Variants in HSD17B11 observed in about 807,000 individuals in gnomAD.
HSD17B11 encodes hydroxysteroid 17-beta dehydrogenase 11, also known as estradiol 17-beta-dehydrogenase 11.
HSD17B11 carries 22 observed loss-of-function variants against 27.8 expected under a neutral mutation model. That is an observed-to-expected ratio of 0.79 (90% confidence interval 0.56 to 1.13). HSD17B11 has a LOEUF of 1.13. HSD17B11 is among the 50% of genes most tolerant of loss of function. The pLI is 0.00. For synonymous variants in HSD17B11, 117 were observed against 132.8 expected (o/e 0.88, Z 0.82); for missense variants, 314 against 351.1 (o/e 0.89, Z 0.84).
intron 4 of HSD17B11, among the ~76,000 whole-genome samples, chr4:87,363,534 C>T (rs774223003): frequency 6.1e-4 from 93 of 152,290 alleles, no homozygotes; most frequent in Non-Finnish European, 1.2e-3. Flanking sequence ...AAACAAAAAA[C>T]CCGATGAAGT....
rs192611825 is a variant in HSD17B11 at position 87,353,335 on chromosome 4, A to G, written c.695+3944T>C. Among the ~76,000 whole-genome samples the G allele has an allele frequency of 3.1e-3, 473 of 152,204 alleles. 2 individuals carry two copies. Among genetic ancestry groups the G allele is most frequent in the African/African-American group, 0.01 (436 of 41,544 alleles). ...CATCTACTGAAGAGGGACTAATAAC[A>G]TCTCCCCAAAAGTATTGTTGTGAGG... On this transcript the variant is annotated intron_variant, in intron 5 of 6. Transcript: ENST00000358290.
intron 2 of HSD17B11, among the ~76,000 whole-genome samples, chr4:87,375,257 T>A (rs1264251724): frequency 6.6e-6 from 1 of 152,196 alleles, no homozygotes; most frequent in African/African-American, 2.4e-5. Flanking sequence ...TTGCAATCCA[T>A]GTGTCAACAG....
intron 2 of HSD17B11, among the ~76,000 whole-genome samples, chr4:87,380,341 C>T (rs1720114854): frequency 7.2e-6 from 1 of 139,298 alleles, no homozygotes; most frequent in South Asian, 2.4e-4. Flanking sequence ...TGCGTGGTGG[C>T]GGGCATCTGT....
intron 2 of HSD17B11, among the ~76,000 whole-genome samples, chr4:87,377,576 A>G (rs1349118387): frequency 6.6e-6 from 1 of 152,248 alleles, no homozygotes; most frequent in Non-Finnish European, 1.5e-5. Context: ...GAAAGATCAT[A>G]GAATCTTGAT....
At chr4:87,361,876 T>G (rs1440993327) in intron 4 of HSD17B11, among the ~76,000 whole-genome samples, 1 of 152,180 alleles carries the variant, frequency 6.6e-6, no homozygotes, top group Non-Finnish European at 1.5e-5. Flanking sequence ...CCCTTTCTGG[T>G]AACATCTTTC....
chr4:87,388,178 A>C (rs1250746795), intron 1 of HSD17B11, among the ~76,000 whole-genome samples: 3 of 151,560 alleles, frequency 2.0e-5, no homozygotes, highest in South Asian at 4.2e-4. Flanking sequence ...AAAAAAAAAA[A>C]AACAATCTAG....
At chr4:87,383,842 G>C (rs963156096) in intron 1 of HSD17B11, among the ~76,000 whole-genome samples, 4 of 151,492 alleles carry the variant, frequency 2.6e-5, no homozygotes, top group African/African-American at 9.7e-5. Flanking sequence ...TAGGTTGTTG[G>C]AAAAGTAATT....
chr4:87,375,257 T>TCA (rs1735797514), intron 2 of HSD17B11, among the ~76,000 whole-genome samples: 1 of 152,196 alleles, frequency 6.6e-6, no homozygotes, highest in African/African-American at 2.4e-5. Context: ...TTGCAATCCA[T>TCA]GTGTCAACAG....
intron 4 of HSD17B11, among the ~76,000 whole-genome samples, chr4:87,370,756 T>TTATTTTA (rs752900390): frequency 0.011 from 203 of 17,800 alleles, 11 homozygotes; most frequent in Admixed American, 0.017. Flanking sequence ...ATTATTATTA[T>TTATTTTA]TTTTTTTTTT....
intron 5 of HSD17B11, among the ~76,000 whole-genome samples, chr4:87,346,820 A>G (rs1205502571): frequency 6.6e-6 from 1 of 152,130 alleles, no homozygotes; most frequent in Non-Finnish European, 1.5e-5. Context: ...TACTTGGGAC[A>G]CTGAGGCAAG....
At chr4:87,385,347 G>A (rs530575320) in intron 1 of HSD17B11, among the ~76,000 whole-genome samples, 34 of 152,240 alleles carry the variant, frequency 2.2e-4, no homozygotes, top group Admixed American at 4.6e-4. Flanking sequence ...CCATATGAAT[G>A]TACTTATATG....
intron 1 of HSD17B11, among the ~76,000 whole-genome samples, chr4:87,388,174 A>AAAAC (rs1720368070): frequency 6.7e-6 from 1 of 149,012 alleles, no homozygotes; most frequent in South Asian, 2.1e-4. Flanking sequence ...ACCAAAAAAA[A>AAAAC]AAAAAACAAT....
chr4:87,352,823 G>C (rs1397003093), intron 5 of HSD17B11, among the ~76,000 whole-genome samples: 2 of 27,212 alleles, frequency 7.3e-5, no homozygotes, highest in African/African-American at 5.0e-4. Flanking sequence ...TAGTCTCGTG[G>C]TGCGCCGTTT....
chr4:87,345,814 T>C (rs1300629230), intron 5 of HSD17B11, among the ~76,000 whole-genome samples: 2 of 151,994 alleles, frequency 1.3e-5, no homozygotes, highest in East Asian at 3.9e-4. Context: ...TCAAGAAACT[T>C]CCAGGAAAGA....
intron 4 of HSD17B11, among the ~76,000 whole-genome samples, chr4:87,357,937 T>C (rs891144689): frequency 2.1e-5 from 3 of 146,308 alleles, no homozygotes; most frequent in Non-Finnish European, 4.5e-5. Context: ...TAACTGAACA[T>C]TCATTAGAGA....
intron 2 of HSD17B11, among the ~76,000 whole-genome samples, chr4:87,381,978 C>A (rs1720184852): frequency 6.6e-6 from 1 of 151,922 alleles, no homozygotes; most frequent in Non-Finnish European, 1.5e-5. Flanking sequence ...TATTTGAGGC[C>A]CTGCCTTCAA....
At chr4:87,374,900 T>C in intron 2 of HSD17B11, 70 bp from the exon 3 acceptor site, 2 of 593,758 alleles carry the variant, frequency 3.4e-6, no homozygotes, top group Middle Eastern at 6.7e-4. Flanking sequence ...ACAATGGCTA[T>C]TTTTTTTTTT....
rs1029887284 is a variant in HSD17B11, at chr4:87,372,799, A to T, written c.467T>A (p.Leu156His). Reference protein sequence around the residue: ...LAHFWTTKAFLPAMTKNNHGH... With the variant: ...LAHFWTTKAFHPAMTKNNHGH... ...ATGGTTATTCTTCGTCATTGCAGGA[A>T]GAAATGCCTTTGTAGTCTACAAATA... The change falls in exon 4 of 7, where the codon CTT (leucine) becomes CAT (histidine). Residue 156 changes from leucine to histidine, a missense_variant. Transcript: ENST00000358290. 2.5e-6 allele frequency: 4 copies of T among 1,611,028 alleles called. No homozygotes were observed. Among genetic ancestry groups the T allele is most frequent in the Non-Finnish European group, 3.4e-6 (4 of 1,177,484 alleles).
intron 4 of HSD17B11, among the ~76,000 whole-genome samples, chr4:87,369,844 G>A (rs893487928): frequency 1.3e-5 from 2 of 152,170 alleles, no homozygotes; most frequent in African/African-American, 4.8e-5. Flanking sequence ...TGGCTATTTG[G>A]GTTGACAGAA....
Sources: allele counts gnomAD v4.1 joint callset (sites outside exome capture counted in the v4.1 genomes callset), GRCh38; gene constraint gnomAD v4.1.1; transcripts MANE v1.5; gene names NCBI Gene and HGNC (gene_info 2026-07-23, HGNC 2026-07-21).